The following SDR42E2 variants were observed in gnomAD, a reference collection of about 807,000 sequenced individuals.
The protein encoded by SDR42E2 is putative short-chain dehydrogenase/reductase family 42E member 2.
SDR42E2 carries 20 observed loss-of-function variants against 10.5 expected under a neutral mutation model. That is an observed-to-expected ratio of 1.90 (90% CI 1.34 to 2.77). The LOEUF (loss-of-function observed/expected upper bound fraction) is 2.77, where lower values mean the gene tolerates loss of function less well. Ranked by LOEUF, SDR42E2 falls within the 30% of genes most tolerant of loss-of-function variation. The pLI, the probability that SDR42E2 is intolerant of heterozygous loss-of-function variation, is 0.00. For synonymous variants in SDR42E2, 72 were observed against 39.2 expected, an observed-to-expected ratio of 1.84 and a Z score of -3.12; for missense variants, 162 against 104.2, an observed-to-expected ratio of 1.55 and a Z score of -2.42.
At position 22,166,361 on chromosome 16, in the gene SDR42E2, G is replaced by A; in HGVS notation, c.167G>A (p.Ser56Asn). Reference protein sequence around the residue: ...GFSLGSHLAKSGTSVILLDRR... With the variant: ...GFSLGSHLAKNGTSVILLDRR... ...AGCCTGGGATCCCACCTAGCCAAGA[G>A]CGGCACTTCCGTCATTCTGCTTGAC... Residue 56 changes from serine to asparagine, a missense_variant, in exon 3 of 13, where the codon AGC becomes AAC. Coordinates refer to ENST00000602312, the MANE Select transcript of SDR42E2 (RefSeq NM_001394319.2). The A allele has an allele frequency of 2.5e-6, 1 of 402,710 alleles. No homozygotes were observed. Among genetic ancestry groups the A allele is most frequent in the Non-Finnish European group, 4.4e-6 (1 of 227,304 alleles). The allele number at this position is 402,710 out of a possible 1,614,324, so 24.9% of individuals were successfully genotyped here.
At chr16:22,165,739 C>A (rs2046529306) in intron 2 of SDR42E2, 102 bp downstream of exon 2, 1 of 401,996 alleles carries the variant, frequency 2.5e-6, no homozygotes, top group Non-Finnish European at 4.4e-6. Context: ...TGGTGCCATT[C>A]CAGGGCCTGG....
At chr16:22,182,091 C>T (rs2046700276) in intron 9 of SDR42E2, 121 bp from the exon 10 acceptor site, 2 of 416,964 alleles carry the variant, frequency 4.8e-6, no homozygotes, top group Admixed American at 4.2e-5. Context: ...CACGTGTGTC[C>T]TCAGGTATTG....
At chr16:22,178,078 C>T (rs1259684812) in intron 7 of SDR42E2, 52 bp from the exon 8 acceptor site, 1 of 692,494 alleles carries the variant, frequency 1.4e-6, no homozygotes, top group Non-Finnish European at 2.6e-6. Context: ...CTCTCCCTCT[C>T]CCTGTGGGCT....
At chr16:22,177,656 AAAAAGG>A (rs572353199) in intron 7 of SDR42E2, among the ~76,000 whole-genome samples, 2,633 of 152,012 alleles carry the variant, frequency 0.017, 80 homozygotes, top group African/African-American at 0.059. Context: ...AAAGAAAAAG[AAAAAGG>A]AAAAGGAAAA....
intron 4 of SDR42E2, among the ~76,000 whole-genome samples, chr16:22,168,326 T>TA (rs559783641): frequency 3.3e-5 from 5 of 152,198 alleles, no homozygotes; most frequent in South Asian, 4.1e-4. Context: ...TGTGCAGTGA[T>TA]ATGATCTCAG....
rs2046540755 is a variant in SDR42E2, at chr16:22,166,422, C to T, written c.228C>T (p.Thr76=). Residue 76 remains threonine (T), a synonymous_variant, in exon 3 of 13, where the codon ACC becomes ACT. Coordinates refer to ENST00000602312, the MANE Select transcript of SDR42E2 (RefSeq NM_001394319.2). ...CCCAGTGGGAACTGTCCCCGGAAACCAAGTTCATCCAGGTACAAGGAACAA... is the reference window on the plus strand; with the variant it reads ...CCCAGTGGGAACTGTCCCCGGAAACTAAGTTCATCCAGGTACAAGGAACAA... ...RRPQWELSPE[T]KFIQADVRDE... 2.5e-6 allele frequency: 1 copy of T among 402,288 alleles called. No individual in the cohort carries two copies. The highest frequency in any genetic ancestry group is 1.2e-4 in the South Asian group (1 of 8,096). The allele number at this position is 402,288 out of a possible 1,614,324, so 24.9% of individuals were successfully genotyped here. A position where few individuals can be genotyped will look rare whatever the true frequency, so the allele number is the denominator to read the frequency against.
Position 22,182,227 on chromosome 16 carries a change from T to C in SDR42E2, c.826T>C (p.Tyr276His), listed in dbSNP as rs2046701368. The part of the protein sequence containing the change: ...KGYVASGQAY[Y>H]INDGESVNLF... ...TCCCCTTCAGAGTGGGCAGGCGTACTACATCAACGATGGGGAGAGCGTCAA... is the reference window on the plus strand; with the variant it reads ...TCCCCTTCAGAGTGGGCAGGCGTACCACATCAACGATGGGGAGAGCGTCAA... The change falls in exon 10 of 13, where the codon TAC becomes CAC. Residue 276 changes from tyrosine (Y) to histidine (H), a missense_variant. Coordinates refer to ENST00000602312, the MANE Select transcript of SDR42E2 (RefSeq NM_001394319.2). The C allele has an allele frequency of 2.5e-6, 1 of 402,724 alleles. No homozygotes were observed. Among genetic ancestry groups the C allele is most frequent in the Non-Finnish European group, 4.4e-6 (1 of 227,510 alleles). 24.9% of individuals were successfully genotyped at this position (402,724 alleles called of 1,614,324 possible).
chr16:22,178,234 G>A (rs2046662085), intron 8 of SDR42E2, 22 bp downstream of exon 8: 1 of 701,854 alleles, frequency 1.4e-6, no homozygotes. Flanking sequence ...CCGCCTTCAG[G>A]ACCCAAGTCA....
chr16:22,167,450 G>A (rs1225835875), intron 4 of SDR42E2, among the ~76,000 whole-genome samples: 1 of 152,010 alleles, frequency 6.6e-6, no homozygotes, highest in East Asian at 1.9e-4. Flanking sequence ...CTCCCAAAGT[G>A]CTGGGATTAC....
At chr16:22,170,646 C>T (rs2046590281) in intron 5 of SDR42E2, among the ~76,000 whole-genome samples, 187 bp from the exon 6 acceptor site, 1 of 152,110 alleles carries the variant, frequency 6.6e-6, no homozygotes, top group South Asian at 2.1e-4. Context: ...GGGCAGGAGA[C>T]TCTTCCCTCC....
intron 11 of SDR42E2, 147 bp downstream of exon 11, chr16:22,184,391 C>T (rs527896229): frequency 1.3e-4 from 49 of 376,512 alleles, no homozygotes; most frequent in East Asian, 4.6e-4. Flanking sequence ...CACCTGAGAT[C>T]AGCAGTTCCA....
intron 12 of SDR42E2, among the ~76,000 whole-genome samples, chr16:22,188,100 A>AG (rs1400444337): frequency 3.3e-5 from 5 of 152,042 alleles, no homozygotes; most frequent in African/African-American, 1.2e-4. Flanking sequence ...CATCTAAAAA[A>AG]AAAAAAAAAA....
chr16:22,187,072 C>T (rs1271844144), intron 12 of SDR42E2, among the ~76,000 whole-genome samples: 1 of 152,176 alleles, frequency 6.6e-6, no homozygotes, highest in Non-Finnish European at 1.5e-5. Context: ...TCATAAGCAT[C>T]TTGTCTTTCC....
chr16:22,182,256 C>CT lies in SDR42E2; in HGVS notation c.858dup (p.Glu287Ter). The CT allele has an allele frequency of 2.5e-6, 1 of 401,648 alleles. No homozygotes were observed. The highest frequency in any genetic ancestry group is 4.4e-6 in the Non-Finnish European group (1 of 226,644). 24.9% of individuals were successfully genotyped at this position (401,648 alleles called of 1,614,324 possible). ...TCAACGATGGGGAGAGCGTCAACCT[C>CT]TTTGAGTGGATGGCCCCACTGGTAG... On this transcript the variant is annotated frameshift_variant, in exon 10 of 13. Coordinates refer to ENST00000602312, the MANE Select transcript of SDR42E2 (RefSeq NM_001394319.2). LOFTEE classifies it high-confidence loss of function.
At chr16:22,171,186 T>G (rs1160196178) in intron 6 of SDR42E2, among the ~76,000 whole-genome samples, 1 of 152,206 alleles carries the variant, frequency 6.6e-6, no homozygotes, top group Non-Finnish European at 1.5e-5. Flanking sequence ...TCTACCCATG[T>G]GACCCTGACC....
rs1177292402 is a variant in SDR42E2, at chr16:22,184,189, G to A, written c.885G>A (p.Lys295=). 1 of 401,310 alleles carries A rather than the reference G, an allele frequency of 2.5e-6. No individual in the cohort carries two copies. Among genetic ancestry groups the A allele is most frequent in the African/African-American group, 2.1e-5 (1 of 48,708 alleles). The allele number at this position is 401,310 out of a possible 1,614,324, so 24.9% of individuals were successfully genotyped here. Residue 295 remains lysine (K), a synonymous_variant, in exon 11 of 13, where the codon AAG becomes AAA. Coordinates refer to ENST00000602312, the MANE Select transcript of SDR42E2 (RefSeq NM_001394319.2). The part of the protein sequence containing the change: ...LFEWMAPLFE[K]LGYSQPWIQV... Reference sequence around the variant, plus strand: ...GTCGTGTTTCTTTGCAGTTTGAGAAGCTGGGGTACAGCCAGCCCTGGATCC... The same window carrying A: ...GTCGTGTTTCTTTGCAGTTTGAGAAACTGGGGTACAGCCAGCCCTGGATCC...
At chr16:22,184,992 G>A (rs934268292) in intron 11 of SDR42E2, among the ~76,000 whole-genome samples, 2 of 152,128 alleles carry the variant, frequency 1.3e-5, no homozygotes, top group Non-Finnish European at 2.9e-5. Flanking sequence ...GAACCCTGGG[G>A]CTGTTCTGTC....
chr16:22,172,226 G>A (rs2046607107), intron 6 of SDR42E2, 30 bp from the exon 7 acceptor site: 1 of 702,816 alleles, frequency 1.4e-6, no homozygotes, highest in Non-Finnish European at 2.6e-6. Context: ...GACCCTCTCT[G>A]GTGGTTCTGT....
rs894544414 is a variant in SDR42E2 at position 22,165,640 on chromosome 16, G to A, written c.55+3G>A. On this transcript the variant is annotated splice_donor_region_variant and intron_variant, in intron 2 of 12. Transcript: ENST00000602312. Reference sequence around the variant, plus strand: ...GGCCTGCAAAGCTGCAGGCCAGGGTGAGAAGAGCTGCCCTGTCTGCCAGGC... The same window carrying A: ...GGCCTGCAAAGCTGCAGGCCAGGGTAAGAAGAGCTGCCCTGTCTGCCAGGC... 1 of 401,562 alleles carries A rather than the reference G, an allele frequency of 2.5e-6. No individual in the cohort carries two copies. 24.9% of individuals were successfully genotyped at this position (401,562 alleles called of 1,614,324 possible).
Sources: gnomAD v4.1 joint callset for allele counts (sites outside exome capture counted in the v4.1 genomes callset) on GRCh38, gnomAD v4.1.1 for gene constraint, MANE v1.5 for transcripts, NCBI Gene and HGNC (gene_info 2026-07-23, HGNC 2026-07-21) for gene names.